Variants in TUNAR observed in about 807,000 individuals in gnomAD.
The protein encoded by TUNAR is transmembrane neural differentiation associated intracellular calcium regulator.
At chr14:95,918,667 G>C (rs1889644645) in intron 2 of TUNAR, among the ~76,000 whole-genome samples, 2 of 152,148 alleles carry the variant, frequency 1.3e-5, no homozygotes, top group African/African-American at 4.8e-5. Flanking sequence ...AAACACAGCT[G>C]ACCTGATTAT....
intron 2 of TUNAR, among the ~76,000 whole-genome samples, chr14:95,883,316 T>C (rs1375582144): frequency 6.6e-6 from 1 of 152,230 alleles, no homozygotes. Flanking sequence ...TGAGAGTGGC[T>C]CTGTCCATCT....
At chr14:95,897,401 G>A (rs146289975) in intron 2 of TUNAR, among the ~76,000 whole-genome samples, 82 of 152,306 alleles carry the variant, frequency 5.4e-4, no homozygotes, top group Non-Finnish European at 9.0e-4. Context: ...TGCACAGTGT[G>A]TCTGTCTCCT....
chr14:95,894,651 G>GGTCT (rs1311784410), intron 2 of TUNAR, among the ~76,000 whole-genome samples: 1 of 152,210 alleles, frequency 6.6e-6, no homozygotes, highest in African/African-American at 2.4e-5. Context: ...CTGAGCTGTA[G>GGTCT]GTCTATAGAT....
At chr14:95,902,424 A>G (rs1482604260) in intron 2 of TUNAR, among the ~76,000 whole-genome samples, 1 of 152,210 alleles carries the variant, frequency 6.6e-6, no homozygotes, top group East Asian at 1.9e-4. Flanking sequence ...GTCATGTTGG[A>G]AAAAAATCAC....
chr14:95,918,909 C>A (rs542916574), intron 2 of TUNAR, among the ~76,000 whole-genome samples: 43 of 152,242 alleles, frequency 2.8e-4, no homozygotes, highest in Non-Finnish European at 6.0e-4. Flanking sequence ...CCCAGAGCAC[C>A]CACTCATTCA....
chr14:95,903,140 A>G (rs1595121304), intron 2 of TUNAR, among the ~76,000 whole-genome samples: 3 of 152,192 alleles, frequency 2.0e-5, no homozygotes, highest in East Asian at 3.9e-4. Flanking sequence ...CTTGGCGAAC[A>G]TGAGAGAATC....
chr14:95,918,195 G>A (rs1325641072), intron 2 of TUNAR, among the ~76,000 whole-genome samples: 3 of 152,218 alleles, frequency 2.0e-5, no homozygotes, highest in Non-Finnish European at 4.4e-5. Context: ...GGCACACAGT[G>A]TGAAATAACA....
At chr14:95,909,235 C>T (rs1435654535) in intron 2 of TUNAR, among the ~76,000 whole-genome samples, 1 of 151,318 alleles carries the variant, frequency 6.6e-6, no homozygotes, top group Non-Finnish European at 1.5e-5. Flanking sequence ...TTCCATCAGA[C>T]TTCAGGGGGA....
chr14:95,922,019 T>C (rs2139674544), intron 2 of TUNAR, among the ~76,000 whole-genome samples: 1 of 152,356 alleles, frequency 6.6e-6, no homozygotes, highest in South Asian at 2.1e-4. Flanking sequence ...TTCTCTGCTA[T>C]GGCAGATGAA....
At chr14:95,892,623 G>T (rs1162078670) in intron 2 of TUNAR, among the ~76,000 whole-genome samples, 1 of 152,214 alleles carries the variant, frequency 6.6e-6, no homozygotes, top group East Asian at 1.9e-4. Context: ...CGTCTCTAGG[G>T]CAGGGATGCC....
chr14:95,901,084 T>C (rs1889345852), intron 2 of TUNAR, among the ~76,000 whole-genome samples: 1 of 152,204 alleles, frequency 6.6e-6, no homozygotes, highest in South Asian at 2.1e-4. Flanking sequence ...AGCATCATGT[T>C]TGAGATGGGT....
chr14:95,916,046 G>A (rs974869921), intron 2 of TUNAR, among the ~76,000 whole-genome samples: 7 of 152,166 alleles, frequency 4.6e-5, no homozygotes, highest in African/African-American at 1.7e-4. Context: ...TTTAATATCA[G>A]TATTGTTTTA....
At chr14:95,913,077 C>T (rs926114528) in intron 2 of TUNAR, among the ~76,000 whole-genome samples, 5 of 150,130 alleles carry the variant, frequency 3.3e-5, no homozygotes, top group African/African-American at 5.0e-5. Flanking sequence ...AGGCATGAGC[C>T]ACCGCGCCTA....
In TUNAR at chr14:95,882,598, A is replaced by AT. The variant is rs539874399; in HGVS notation, c.12+5426dup. Among the ~76,000 whole-genome samples the AT allele has an allele frequency of 6.8e-4, 103 of 152,352 alleles. 1 individual carries two copies. The highest frequency in any genetic ancestry group is 2.2e-3 in the African/African-American group (91 of 41,586). The stretch of plus-strand genomic sequence containing the variant: ...AGGCTAAATGCCTTGGCAGACCTGC[A>AT]TTTTTGAAACCTGACTCCCAAGGTC... On this transcript the variant is annotated intron_variant, in intron 2 of 2. Coordinates refer to ENST00000678517, the Ensembl canonical transcript of TUNAR.
chr14:95,880,860 C>T (rs1447178123), intron 2 of TUNAR, among the ~76,000 whole-genome samples: 1 of 152,180 alleles, frequency 6.6e-6, no homozygotes, highest in Non-Finnish European at 1.5e-5. Flanking sequence ...AAGGAACCAC[C>T]AGCCCTTAAA....
At chr14:95,903,648 G>T (rs1312751710) in intron 2 of TUNAR, among the ~76,000 whole-genome samples, 5 of 152,230 alleles carry the variant, frequency 3.3e-5, no homozygotes, top group African/African-American at 1.2e-4. Context: ...ACCTATTGCT[G>T]TGTTACAAGC....
At chr14:95,913,929 C>T (rs1889560410) in intron 2 of TUNAR, among the ~76,000 whole-genome samples, 1 of 152,222 alleles carries the variant, frequency 6.6e-6, no homozygotes, top group Non-Finnish European at 1.5e-5. Context: ...GACGGGGTTT[C>T]ACCATGTTGG....
intron 2 of TUNAR, among the ~76,000 whole-genome samples, chr14:95,877,410 G>A (rs1270347598): frequency 6.6e-6 from 1 of 152,206 alleles, no homozygotes; most frequent in African/African-American, 2.4e-5. Context: ...ACATGCAGGC[G>A]GGAGACCTGT....
At chr14:95,909,395 T>C (rs1019784324) in intron 2 of TUNAR, among the ~76,000 whole-genome samples, 2 of 151,224 alleles carry the variant, frequency 1.3e-5, no homozygotes, top group African/African-American at 2.4e-5. Context: ...GCGATTTTCC[T>C]GCCTCAGCCT....
Sources: gnomAD v4.1 joint callset for allele counts (sites outside exome capture counted in the v4.1 genomes callset) on GRCh38, gnomAD v4.1.1 for gene constraint, MANE v1.5 for transcripts, NCBI Gene and HGNC (gene_info 2026-07-23, HGNC 2026-07-21) for gene names.